Variants in ARHGEF6 observed in about 807,000 individuals in gnomAD.
The protein encoded by ARHGEF6 is rho guanine nucleotide exchange factor 6.
In ARHGEF6, 9 loss-of-function variants were observed where a neutral mutation model predicts 70.3. The observed-to-expected ratio is 0.13, with a 90% CI of 0.08 to 0.22. The LOEUF is 0.22. ARHGEF6 is among the 10% of genes least tolerant of loss of function. The probability of loss-of-function intolerance (pLI) is 1.00; values close to 1 mark genes in which losing one functional copy is unlikely to be tolerated. For missense variants in ARHGEF6, 470 were observed against 563.0 expected (o/e 0.83, Z 1.67); for synonymous variants, 201 against 207.8 (o/e 0.97, Z 0.28).
intron 2 of ARHGEF6, chrX:136,768,607 C>A (rs1421934842): frequency 8.9e-6 from 1 of 112,545 alleles, no homozygotes; most frequent in Non-Finnish European, 1.9e-5. Flanking sequence ...CCTGACTTCA[C>A]ACAAGTGGCA....
intron 21 of ARHGEF6, among the ~76,000 whole-genome samples, chrX:136,668,533 C>CTTCTTATTATTATTA (rs61661248): frequency 4.1e-5 from 4 of 98,464 alleles, no homozygotes; most frequent in African/African-American, 1.5e-4. Flanking sequence ...TCTTCTTCTT[C>CTTCTTATTATTATTA]TTATTATTAT....
At chrX:136,683,376 G>C (rs183902457) in intron 12 of ARHGEF6, among the ~76,000 whole-genome samples, 2 of 107,853 alleles carry the variant, frequency 1.9e-5, no homozygotes, top group African/African-American at 6.9e-5. Flanking sequence ...TTTTTTTCTT[G>C]AGACGGAGTT....
intron 9 of ARHGEF6, among the ~76,000 whole-genome samples, chrX:136,699,880 C>A (rs1299498309): frequency 9.0e-6 from 1 of 110,739 alleles, no homozygotes; most frequent in Non-Finnish European, 1.9e-5. Flanking sequence ...GTGGAGCATC[C>A]ATTTTGAAAT....
At chrX:136,734,167 T>A (rs2076963195) in intron 5 of ARHGEF6, among the ~76,000 whole-genome samples, 1 of 111,730 alleles carries the variant, frequency 9.0e-6, no homozygotes, top group African/African-American at 3.3e-5. Context: ...AAAGTAGCAA[T>A]GAGGGACAAT....
intron 2 of ARHGEF6, among the ~76,000 whole-genome samples, chrX:136,754,582 C>CAAA (rs1428726318): frequency 2.5e-3 from 44 of 17,506 alleles, no homozygotes; most frequent in African/African-American, 0.01. Flanking sequence ...AACCCCGCCT[C>CAAA]AAAAAAAAAA....
chrX:136,690,469 G>A, intron 10 of ARHGEF6, 141 bp downstream of exon 10: 2 of 623,505 alleles, frequency 3.2e-6, no homozygotes, highest in Middle Eastern at 3.3e-4. Context: ...AGCCTGAGAA[G>A]AGGGAAGAAC....
intron 13 of ARHGEF6, 81 bp from the exon 14 acceptor site, chrX:136,682,049 A>G: frequency 1.3e-6 from 1 of 774,736 alleles, no homozygotes; most frequent in South Asian, 2.1e-5. Context: ...TGACCCTCTC[A>G]GCAAGGCAAA....
chrX:136,700,812 C>G (rs1259724088), intron 9 of ARHGEF6, among the ~76,000 whole-genome samples: 1 of 112,137 alleles, frequency 8.9e-6, no homozygotes, highest in East Asian at 2.8e-4. Context: ...AGATATGACA[C>G]AAATTTTGGA....
At chrX:136,757,390 C>A (rs1336329196) in intron 2 of ARHGEF6, among the ~76,000 whole-genome samples, 1 of 111,949 alleles carries the variant, frequency 8.9e-6, no homozygotes, top group Non-Finnish European at 1.9e-5. Context: ...GAGCAAGATG[C>A]CATCTCAAAA....
chrX:136,754,450 T>C (rs1377656888), intron 2 of ARHGEF6, among the ~76,000 whole-genome samples: 1 of 108,028 alleles, frequency 9.3e-6, no homozygotes, highest in East Asian at 2.9e-4. Flanking sequence ...CCAGGTGCAG[T>C]GGTGGGCACC....
chrX:136,707,688 A>G (rs1169363925), intron 8 of ARHGEF6, among the ~76,000 whole-genome samples: 1 of 111,559 alleles, frequency 9.0e-6, no homozygotes, highest in Non-Finnish European at 1.9e-5. Context: ...ACATCTTTGC[A>G]TATCAATAAT....
At chrX:136,668,936 C>T (rs1017817316) in intron 21 of ARHGEF6, among the ~76,000 whole-genome samples, 1 of 111,466 alleles carries the variant, frequency 9.0e-6, no homozygotes, top group Non-Finnish European at 1.9e-5. Context: ...CCTTTACATT[C>T]GTTTCCTCCT....
intron 3 of ARHGEF6, 96 bp downstream of exon 3, chrX:136,747,411 CG>C: frequency 1.2e-6 from 1 of 810,449 alleles, no homozygotes; most frequent in Non-Finnish European, 1.9e-6. Context: ...ATTTGCATCA[CG>C]AGAACAATCC....
chrX:136,705,569 G>T (rs1203809923), intron 9 of ARHGEF6, among the ~76,000 whole-genome samples: 3 of 111,885 alleles, frequency 2.7e-5, no homozygotes, highest in Non-Finnish European at 5.6e-5. Flanking sequence ...GTAAAGCAGA[G>T]ATGGTAATAA....
intron 2 of ARHGEF6, 149 bp from the exon 3 acceptor site, chrX:136,747,741 T>C: frequency 2.3e-6 from 1 of 443,445 alleles, no homozygotes; most frequent in East Asian, 3.8e-5. Context: ...CATATACCTT[T>C]GGGAGAAATG....
intron 11 of ARHGEF6, among the ~76,000 whole-genome samples, chrX:136,686,734 A>C (rs1164141534): frequency 9.0e-5 from 8 of 88,852 alleles, no homozygotes; most frequent in East Asian, 3.4e-4. Flanking sequence ...ATATATATAT[A>C]TATCTCACTG....
rs1061274 is a variant in ARHGEF6, at chrX:136,665,876, G to A, written c.*2153C>T. ...GAGGGCCCCTCATCAGAAGGGCCAAGTCCCCGAAACATGCATATGTACTCA... is the reference window on the plus strand; with the variant it reads ...GAGGGCCCCTCATCAGAAGGGCCAAATCCCCGAAACATGCATATGTACTCA... On this transcript the variant is annotated 3_prime_UTR_variant, in exon 22 of 22. Transcript: ENST00000250617. 1.8e-5 allele frequency: 2 copies of A among 112,428 alleles called. No homozygotes were observed. 9.3% of individuals were successfully genotyped at this position (112,428 alleles called of 1,213,427 possible).
At chrX:136,676,401 T>C (rs937210461) in intron 18 of ARHGEF6, among the ~76,000 whole-genome samples, 2 of 112,405 alleles carry the variant, frequency 1.8e-5, no homozygotes, top group Non-Finnish European at 3.8e-5. Context: ...ACAAAAATGA[T>C]ACAGATGACA....
chrX:136,739,343 G>A (rs1464746303), intron 5 of ARHGEF6, among the ~76,000 whole-genome samples: 2 of 111,761 alleles, frequency 1.8e-5, no homozygotes, highest in African/African-American at 6.5e-5. Context: ...TACTTACTGT[G>A]TCCTGGCCTG....
Sources: gnomAD v4.1 joint callset for allele counts (sites outside exome capture counted in the v4.1 genomes callset) on GRCh38, gnomAD v4.1.1 for gene constraint, MANE v1.5 for transcripts, NCBI Gene and HGNC (gene_info 2026-07-23, HGNC 2026-07-21) for gene names.